GABRG3: variants seen among roughly 807,000 people sequenced by gnomAD.
GABRG3 encodes the protein gamma-aminobutyric acid receptor subunit gamma-3.
Under a neutral mutation model 48.8 loss-of-function variants are expected in GABRG3, and 25 were observed. The ratio of observed to expected loss-of-function variants is 0.51; its 90% CI spans 0.37 to 0.72. The LOEUF is 0.72. Ranked by LOEUF, GABRG3 falls within the 30% of genes least tolerant of loss-of-function variation. The probability of loss-of-function intolerance (pLI) is 0.00; values close to 1 mark genes in which losing one functional copy is unlikely to be tolerated. For synonymous variants in GABRG3, 227 were observed against 217.6 expected, an observed-to-expected ratio of 1.04 and a Z score of -0.38; for missense variants, 394 against 577.9, an observed-to-expected ratio of 0.68 and a Z score of 3.26.
intron 6 of GABRG3, among the ~76,000 whole-genome samples, chr15:27,492,560 T>C (rs1460391418): frequency 1.3e-5 from 2 of 152,206 alleles, no homozygotes; most frequent in African/African-American, 2.4e-5. Flanking sequence ...TTTTTCTTTC[T>C]GCCATTTTAA....
intron 5 of GABRG3, among the ~76,000 whole-genome samples, chr15:27,356,428 T>C (rs1330802889): frequency 6.6e-6 from 1 of 152,214 alleles, no homozygotes; most frequent in African/African-American, 2.4e-5. Context: ...GAGAATGTAC[T>C]ATATGGCAGG....
At chr15:27,431,948 T>C (rs566075608) in intron 5 of GABRG3, among the ~76,000 whole-genome samples, 1 of 152,308 alleles carries the variant, frequency 6.6e-6, no homozygotes, top group East Asian at 1.9e-4. Context: ...TTTGTGTATT[T>C]CCCAAATTTA....
At chr15:27,270,419 A>G (rs1891044902) in intron 3 of GABRG3, among the ~76,000 whole-genome samples, 1 of 152,230 alleles carries the variant, frequency 6.6e-6, no homozygotes, top group Non-Finnish European at 1.5e-5. Context: ...TGTTCGACTC[A>G]GAAATCATAG....
chr15:27,201,496 G>A (rs1888682710), intron 3 of GABRG3, among the ~76,000 whole-genome samples: 1 of 151,790 alleles, frequency 6.6e-6, no homozygotes, highest in Non-Finnish European at 1.5e-5. Flanking sequence ...GGGAAATAGG[G>A]GAGGGAAAGT....
At chr15:27,133,507 C>G (rs1405161535) in intron 3 of GABRG3, among the ~76,000 whole-genome samples, 2 of 152,208 alleles carry the variant, frequency 1.3e-5, no homozygotes, top group African/African-American at 4.8e-5. Context: ...CAATCCTGAG[C>G]TATGAATTTC....
At chr15:27,114,385 C>T (rs980509949) in intron 3 of GABRG3, among the ~76,000 whole-genome samples, 1 of 152,282 alleles carries the variant, frequency 6.6e-6, no homozygotes, top group Non-Finnish European at 1.5e-5. Context: ...AATTCAAATT[C>T]AGGGCTACCT....
chr15:27,460,410 A>AGAAAGGAGGGTGTTTATTTGCAGGG (rs1204959343), intron 5 of GABRG3, among the ~76,000 whole-genome samples: 1 of 152,134 alleles, frequency 6.6e-6, no homozygotes, highest in Non-Finnish European at 1.5e-5. Flanking sequence ...TTGCTGCAGG[A>AGAAAGGAGGGTGTTTATTTGCAGGG]GAAAGGAGGG....
intron 5 of GABRG3, among the ~76,000 whole-genome samples, chr15:27,425,522 AATG>A (rs1888266929): frequency 6.6e-6 from 1 of 151,666 alleles, no homozygotes; most frequent in Non-Finnish European, 1.5e-5. Context: ...GAGGCAGGAG[AATG>A]ATGTCAACCC....
At chr15:27,225,646 C>T (rs1889589280) in intron 3 of GABRG3, among the ~76,000 whole-genome samples, 1 of 152,150 alleles carries the variant, frequency 6.6e-6, no homozygotes, top group African/African-American at 2.4e-5. Context: ...CTTCCCTACC[C>T]ACCACCAGGC....
At position 26,976,863 on chromosome 15, in the gene GABRG3, C is replaced by A; in HGVS notation, c.54-139C>A. 1 of 705,102 alleles carries A rather than the reference C, an allele frequency of 1.4e-6. No individual in the cohort carries two copies. Among genetic ancestry groups the A allele is most frequent in the South Asian group, 1.8e-5 (1 of 56,034 alleles). 43.7% of individuals were successfully genotyped at this position (705,102 alleles called of 1,614,324 possible). A position where few individuals can be genotyped will look rare whatever the true frequency, so the allele number is the denominator to read the frequency against. ...TTTCTTTCTTTTTAGAAAATATTTT[C>A]GGGTTTTCACGTGTGTGGTTGGGCT... On this transcript the variant is annotated intron_variant, in intron 1 of 9. Coordinates refer to ENST00000615808, the MANE Select transcript of GABRG3 (RefSeq NM_033223.5). The surrounding 1 kb of genome is among the most constrained non-coding windows in gnomAD (Gnocchi z 7.8).
At chr15:27,105,280 A>T (rs899827270) in intron 3 of GABRG3, among the ~76,000 whole-genome samples, 2 of 152,164 alleles carry the variant, frequency 1.3e-5, no homozygotes, top group African/African-American at 4.8e-5. Context: ...CTCAAAATAC[A>T]TGAAGCAAAA....
chr15:27,275,124 C>T (rs946253909), intron 3 of GABRG3, among the ~76,000 whole-genome samples: 14 of 152,104 alleles, frequency 9.2e-5, no homozygotes, highest in Non-Finnish European at 1.5e-4. Flanking sequence ...ATTTAAGCAA[C>T]AATAAAATGT....
At chr15:27,144,447 T>A (rs1001793804) in intron 3 of GABRG3, among the ~76,000 whole-genome samples, 15 of 151,208 alleles carry the variant, frequency 9.9e-5, no homozygotes, top group Admixed American at 9.8e-4. Context: ...ATGTCTTTAT[T>A]TGACCTAAAT....
chr15:27,434,846 T>G (rs1888561445), intron 5 of GABRG3, among the ~76,000 whole-genome samples: 1 of 152,180 alleles, frequency 6.6e-6, no homozygotes, highest in Non-Finnish European at 1.5e-5. Flanking sequence ...GCATCCTGCC[T>G]TAATAATTCC....
At chr15:27,248,641 C>T (rs1012001017) in intron 3 of GABRG3, among the ~76,000 whole-genome samples, 3 of 152,104 alleles carry the variant, frequency 2.0e-5, no homozygotes, top group African/African-American at 7.2e-5. Flanking sequence ...CCACAGAGGT[C>T]TAGCATGTGG....
chr15:27,009,315 T>G (rs1895644709), intron 2 of GABRG3, among the ~76,000 whole-genome samples: 1 of 152,206 alleles, frequency 6.6e-6, no homozygotes, highest in Non-Finnish European at 1.5e-5. Flanking sequence ...TTTGTTCTGA[T>G]GTCCCCTTAC....
chr15:27,517,125 G>GCTT (rs1555388600), intron 6 of GABRG3, among the ~76,000 whole-genome samples: 116 of 151,268 alleles, frequency 7.7e-4, no homozygotes, highest in African/African-American at 2.7e-3. Flanking sequence ...GACTAGTGCC[G>GCTT]CCTCTATCAT....
At chr15:27,475,674 ATGT>A (rs903886247) in intron 5 of GABRG3, among the ~76,000 whole-genome samples, 16 of 151,956 alleles carry the variant, frequency 1.1e-4, no homozygotes, top group Admixed American at 6.6e-4. Flanking sequence ...GATAGTAATC[ATGT>A]TGGTGGTGTT....
chr15:27,221,224 C>CT (rs1043408419), intron 3 of GABRG3, among the ~76,000 whole-genome samples: 1 of 151,944 alleles, frequency 6.6e-6, no homozygotes, highest in Non-Finnish European at 1.5e-5. Flanking sequence ...CTTCAGTGAC[C>CT]TTTTTTGTAG....
Sources: allele counts gnomAD v4.1 joint callset (sites outside exome capture counted in the v4.1 genomes callset), GRCh38; gene constraint gnomAD v4.1.1; non-coding constraint Gnocchi (gnomAD v3.1); transcripts MANE v1.5; gene names NCBI Gene and HGNC (gene_info 2026-07-23, HGNC 2026-07-21).